Variants in TRMT11 observed in about 807,000 individuals in gnomAD.
TRMT11 encodes tRNA methyltransferase 11, also known as tRNA (guanine(10)-N(2))-methyltransferase TRMT11.
TRMT11 carries 53 observed loss-of-function variants against 62.8 expected under a neutral mutation model. The observed-to-expected ratio is 0.84, with a 90% CI of 0.68 to 1.06. The LOEUF (loss-of-function observed/expected upper bound fraction) is 1.06. Among genes scored for constraint, TRMT11 ranks in the 50% least tolerant of loss-of-function variants. The pLI, the probability that TRMT11 is intolerant of heterozygous loss-of-function variation, is 0.00. For synonymous variants in TRMT11, 188 were observed against 190.3 expected (o/e 0.99, Z 0.10); for missense variants, 556 against 553.4 (o/e 1.00, Z -0.05).
At chr6:126,230,050 G>A in the TRMT11 span, among the ~76,000 whole-genome samples, 13 of 152,136 alleles carry the variant, frequency 8.5e-5, no homozygotes, top group South Asian at 2.5e-3. Context: ...ATGCTGGACC[G>A]CCATTAGCTT....
chr6:126,117,140 T>C (rs755531750), intron 21 of TRMT11, among the ~76,000 whole-genome samples: 1 of 152,092 alleles, frequency 6.6e-6, no homozygotes, highest in Non-Finnish European at 1.5e-5. Flanking sequence ...TTTTGTATCC[T>C]CGCTAAAGAG....
rs1488342133 is a variant in TRMT11 at position 126,088,840 on chromosome 6, G to T, written c.*1438-24026G>T. Among the ~76,000 whole-genome samples the T allele has an allele frequency of 1.2e-4, 19 of 152,200 alleles. 1 individual carries two copies. Among genetic ancestry groups the T allele is most frequent in the Admixed American group, 1.2e-3 (19 of 15,284 alleles). On this transcript the variant is annotated intron_variant and NMD_transcript_variant, in intron 17 of 22. Transcript: ENST00000648977. ...TTTTATATACTTAAAGGGAAAAAGA[G>T]AATTGACTTATATTGCTAGAGAAAT...
chr6:126,163,017 T>G (rs1260444885), intron 21 of TRMT11, among the ~76,000 whole-genome samples: 8 of 152,150 alleles, frequency 5.3e-5, no homozygotes, highest in African/African-American at 1.7e-4. Context: ...GAGACAATTT[T>G]ACTTCCTCTC....
the TRMT11 span, among the ~76,000 whole-genome samples, chr6:126,249,200 TTG>T: frequency 6.6e-6 from 1 of 152,110 alleles, no homozygotes; most frequent in Non-Finnish European, 1.5e-5. Flanking sequence ...AGGAAGAATT[TTG>T]TCAAGGAGAA....
chr6:126,170,740 C>T (rs901040945), intron 21 of TRMT11, among the ~76,000 whole-genome samples: 5 of 151,934 alleles, frequency 3.3e-5, no homozygotes, highest in African/African-American at 1.2e-4. Context: ...AGCACAATCT[C>T]GATGCTCTTT....
chr6:126,168,373 G>A (rs994988421), intron 21 of TRMT11, among the ~76,000 whole-genome samples: 2 of 152,126 alleles, frequency 1.3e-5, no homozygotes, highest in South Asian at 4.1e-4. Context: ...ACATGTCATT[G>A]GTGAATGGAA....
the TRMT11 span, among the ~76,000 whole-genome samples, chr6:126,236,916 A>T: frequency 6.6e-6 from 1 of 152,306 alleles, no homozygotes; most frequent in East Asian, 1.9e-4. Context: ...CTCCCTGGGC[A>T]TAATTCCTTT....
chr6:126,010,958 C>T (rs1294157547), intron 8 of TRMT11, among the ~76,000 whole-genome samples: 1 of 152,120 alleles, frequency 6.6e-6, no homozygotes, highest in African/African-American at 2.4e-5. Flanking sequence ...GAACCATATT[C>T]TCTTCAACTC....
In TRMT11 at chr6:126,012,796, A is replaced by T. The variant is rs775165731; in HGVS notation, c.951A>T (p.Thr317=). 7.4e-6 allele frequency: 12 copies of T among 1,613,684 alleles called. No homozygotes were observed. The highest frequency in any genetic ancestry group is 9.3e-6 in the Non-Finnish European group (11 of 1,179,734). ...TDPPYGIRES[T]RRTGSQKEIP... is the part of the protein sequence containing the mutation. ...CTCCATATGGTATCAGAGAATCTACAAGAAGAACAGGTTCACAGAAGGAGA... is the reference window on the plus strand; with the variant it reads ...CTCCATATGGTATCAGAGAATCTACTAGAAGAACAGGTTCACAGAAGGAGA... The change falls in exon 10 of 13, where the codon ACA becomes ACT. Residue 317 remains threonine, a synonymous_variant. Coordinates refer to ENST00000334379, the MANE Select transcript of TRMT11 (RefSeq NM_001031712.3).
At chr6:126,120,756 T>C (rs986650449) in intron 21 of TRMT11, among the ~76,000 whole-genome samples, 2 of 152,146 alleles carry the variant, frequency 1.3e-5, no homozygotes, top group African/African-American at 4.8e-5. Context: ...GCTTTTCCCC[T>C]GGAACTGGAC....
At chr6:126,031,471 G>T (rs1326393182) in intron 12 of TRMT11, among the ~76,000 whole-genome samples, 2 of 152,278 alleles carry the variant, frequency 1.3e-5, no homozygotes, top group East Asian at 3.9e-4. Context: ...AGCATCTTGT[G>T]TTCTGTAGTG....
downstream of TRMT11, among the ~76,000 whole-genome samples, chr6:126,207,301 T>A (rs2128255430): frequency 6.6e-6 from 1 of 152,232 alleles, no homozygotes. Context: ...TGTCCCTGGA[T>A]CATGGAGCTG....
At chr6:126,206,172 C>T (rs1778790127), downstream of TRMT11, among the ~76,000 whole-genome samples, 1 of 152,176 alleles carries the variant, frequency 6.6e-6, no homozygotes, top group African/African-American at 2.4e-5. Context: ...TGGCCAAAGC[C>T]ATTTCTTTAT....
the TRMT11 span, among the ~76,000 whole-genome samples, chr6:126,212,160 C>T: frequency 4.6e-5 from 7 of 152,080 alleles, no homozygotes; most frequent in African/African-American, 9.7e-5. Context: ...TTTTCTTTAT[C>T]CATTTGTCTG....
At chr6:126,154,329 GTGTGTGTGTA>G (rs1778092480) in intron 21 of TRMT11, among the ~76,000 whole-genome samples, 2 of 147,186 alleles carry the variant, frequency 1.4e-5, no homozygotes, top group East Asian at 3.9e-4. Flanking sequence ...AAAGATATGT[GTGTGTGTGTA>G]TGTGTGTGTG....
chr6:126,043,882 C>CAT (rs1775961930), downstream of TRMT11, among the ~76,000 whole-genome samples: 1 of 152,164 alleles, frequency 6.6e-6, no homozygotes, highest in Non-Finnish European at 1.5e-5. Context: ...ATATCCTTTG[C>CAT]CCACTTTTTG....
chr6:126,206,510 T>C (rs929501403), downstream of TRMT11, among the ~76,000 whole-genome samples: 2 of 152,244 alleles, frequency 1.3e-5, no homozygotes, highest in African/African-American at 2.4e-5. Context: ...ATCTAGTTAA[T>C]GTTATTCTCT....
At chr6:126,072,642 G>A (rs1435675210) in intron 17 of TRMT11, among the ~76,000 whole-genome samples, 1 of 152,070 alleles carries the variant, frequency 6.6e-6, no homozygotes, top group African/African-American at 2.4e-5. Flanking sequence ...TCACATACTG[G>A]GTAGCTTAAA....
intron 1 of TRMT11, among the ~76,000 whole-genome samples, chr6:126,182,420 A>G (rs1778477765): frequency 6.6e-6 from 1 of 151,804 alleles, no homozygotes; most frequent in African/African-American, 2.4e-5. Flanking sequence ...ATTTGGACTT[A>G]CCACTCAGGA....
Sources: gnomAD v4.1 joint callset for allele counts (sites outside exome capture counted in the v4.1 genomes callset) on GRCh38, gnomAD v4.1.1 for gene constraint, MANE v1.5 for transcripts, NCBI Gene and HGNC (gene_info 2026-07-23, HGNC 2026-07-21) for gene names.